Variants in TGIF2 observed in about 807,000 individuals in gnomAD.
TGIF2 encodes the protein homeobox protein TGIF2.
A neutral mutation model predicts 15.1 loss-of-function variants in TGIF2; 5 were observed. The observed-to-expected ratio is 0.33, with a 90% CI of 0.17 to 0.70. The LOEUF is 0.70. Among genes scored for constraint, TGIF2 ranks in the 30% least tolerant of loss-of-function variants. TGIF2 has a pLI of 0.67. For synonymous variants in TGIF2, 131 were observed against 128.9 expected, an observed-to-expected ratio of 1.02 and a Z score of -0.11; for missense variants, 264 against 302.5, an observed-to-expected ratio of 0.87 and a Z score of 0.94.
rs557320559 is a variant in TGIF2 at position 36,588,225 on chromosome 20, C to T, written c.193-2685C>T. Among the ~76,000 whole-genome samples the T allele has an allele frequency of 4.4e-4, 67 of 152,224 alleles. 1 individual carries two copies. Among genetic ancestry groups the T allele is most frequent in the African/African-American group, 1.6e-3 (67 of 41,528 alleles). On this transcript the variant is annotated intron_variant, in intron 2 of 2. Transcript: ENST00000373872. Reference sequence around the variant, plus strand: ...TCTCTAGTACTTTGGGGACACTGCCCTCTACCCTCCAGGCTTGTATGCAGA... The same window carrying T: ...TCTCTAGTACTTTGGGGACACTGCCTTCTACCCTCCAGGCTTGTATGCAGA...
rs979643553 is a variant in TGIF2 at position 36,592,316 on chromosome 20, G to A, written c.*885G>A. ...GAAAGATAAGATCAAAAGGTGTTTG[G>A]TTTTTCTTTTAATTTTTATTGTAGT... On this transcript the variant is annotated 3_prime_UTR_variant, in exon 3 of 3. Transcript: ENST00000373872. 6.6e-6 allele frequency: 1 copy of A among 152,136 alleles called. No individual in the cohort carries two copies. Among genetic ancestry groups the A allele is most frequent in the African/African-American group, 2.4e-5 (1 of 41,438 alleles). The allele number at this position is 152,136 out of a possible 1,614,324, so 9.4% of individuals were successfully genotyped here. A position where few individuals can be genotyped will look rare whatever the true frequency, so the allele number is the denominator to read the frequency against.
intron 2 of TGIF2, 117 bp from the exon 3 acceptor site, chr20:36,590,793 A>C (rs978574731): frequency 8.6e-7 from 1 of 1,168,234 alleles, no homozygotes; most frequent in South Asian, 2.0e-5. Flanking sequence ...TCCTGGGCTT[A>C]AGCAATCCTC....
intron 2 of TGIF2, among the ~76,000 whole-genome samples, chr20:36,582,784 A>G (rs1425802316): frequency 6.6e-6 from 1 of 152,190 alleles, no homozygotes; most frequent in Admixed American, 6.5e-5. Flanking sequence ...CTTGATGGAA[A>G]CTGACCATGA....
At chr20:36,589,990 G>C (rs2038736964) in intron 2 of TGIF2, among the ~76,000 whole-genome samples, 1 of 151,614 alleles carries the variant, frequency 6.6e-6, no homozygotes, top group South Asian at 2.1e-4. Context: ...CACCCAGCCT[G>C]ACTCTCCAGG....
intron 1 of TGIF2, among the ~76,000 whole-genome samples, chr20:36,574,353 A>T (rs1040078398): frequency 1.2e-4 from 18 of 145,092 alleles, no homozygotes; most frequent in African/African-American, 4.3e-4. Context: ...ACCCTCGGGC[A>T]GGCCGAAGGT....
chr20:36,591,254 C>T lies in TGIF2; in HGVS notation c.537C>T (p.Leu179=). ...RAEAGSPTGG[L]FNTPPPTPPE... Reference sequence around the variant, plus strand: ...AGGCTGGAAGCCCCACAGGTGGACTCTTCAACACGCCACCACCCACACCCC... The same window carrying T: ...AGGCTGGAAGCCCCACAGGTGGACTTTTCAACACGCCACCACCCACACCCC... The change falls in exon 3 of 3, where the codon CTC becomes CTT. Residue 179 remains leucine (L), a synonymous_variant. Coordinates refer to ENST00000373872, the MANE Select transcript of TGIF2 (RefSeq NM_021809.7). The surrounding 1 kb of genome is among the most constrained non-coding windows in gnomAD (Gnocchi z 5.3). 1.9e-6 allele frequency: 3 copies of T among 1,614,216 alleles called. No individual in the cohort carries two copies. Among genetic ancestry groups the T allele is most frequent in the East Asian group, 2.2e-5 (1 of 44,884 alleles).
Position 36,591,363 on chromosome 20 carries a change from A to AAGC in TGIF2, c.652_654dup (p.Gln218dup). On this transcript the variant is annotated inframe_insertion, in exon 3 of 3. Transcript: ENST00000373872. This position sits in a 1 kb window ranked among gnomAD's most constrained non-coding sequence, Gnocchi z 5.3. ...GAGGGCTGCTGAGATGGAGCTTCAG[A>AAGC]AGCAGCAGGACCCATCACTCCCATT... is the stretch of plus-strand genomic sequence containing the variant. The AAGC allele has an allele frequency of 2.5e-6, 4 of 1,614,176 alleles. No homozygotes were observed. The highest frequency in any genetic ancestry group is 3.4e-6 in the Non-Finnish European group (4 of 1,180,026).
chr20:36,578,608 A>T, intron 1 of TGIF2, 133 bp from the exon 2 acceptor site: 1 of 1,012,750 alleles, frequency 9.9e-7, no homozygotes, highest in Non-Finnish European at 1.4e-6. Flanking sequence ...GGTCTGTGTT[A>T]CGGCCTGAGA....
rs924553252 is a variant in TGIF2 at position 36,582,350 on chromosome 20, T to TA, written c.192+3394dup. Among the ~76,000 whole-genome samples, 164 of 149,048 alleles carry TA rather than the reference T, an allele frequency of 1.1e-3. 1 individual carries two copies. Among genetic ancestry groups the TA allele is most frequent in the African/African-American group, 3.3e-3 (133 of 40,704 alleles). ...TAAAACATAAAACTGGGTATATATA[T>TA]AAAAAAAAAACCACTTCTTTTTGCT... On this transcript the variant is annotated intron_variant, in intron 2 of 2. Coordinates refer to ENST00000373872, the MANE Select transcript of TGIF2 (RefSeq NM_021809.7).
At chr20:36,582,030 G>A (rs541897323) in intron 2 of TGIF2, among the ~76,000 whole-genome samples, 4 of 152,262 alleles carry the variant, frequency 2.6e-5, no homozygotes, top group African/African-American at 9.6e-5. Context: ...GAGGTCAGGA[G>A]TTCAAGACCA....
intron 1 of TGIF2, chr20:36,574,758 A>T (rs2038386914): frequency 6.6e-6 from 1 of 152,078 alleles, no homozygotes; most frequent in South Asian, 2.1e-4. Flanking sequence ...GCGCCGGACG[A>T]TTCCTCGCCG....
chr20:36,579,365 G>T (rs932018854), intron 2 of TGIF2, among the ~76,000 whole-genome samples: 1 of 152,094 alleles, frequency 6.6e-6, no homozygotes, highest in Non-Finnish European at 1.5e-5. Context: ...TAGAGACAGG[G>T]TTTCACCATG....
Position 36,582,236 on chromosome 20 carries a change from C to CA in TGIF2, c.192+3276dup, listed in dbSNP as rs1238508140. 3.3e-5 allele frequency among the ~76,000 whole-genome samples: 5 copies of CA among 151,660 alleles called. No individual in the cohort carries two copies. The East Asian group carries it at 9.7e-4, about 29-fold the overall frequency. On this transcript the variant is annotated intron_variant, in intron 2 of 2. Coordinates refer to ENST00000373872, the MANE Select transcript of TGIF2 (RefSeq NM_021809.7). ...GGGCCACAAGAGCGAAACTCGGTCT[C>CA]AAAAAATAAAAAAATAAAGAAAACA...
chr20:36,575,559 G>T (rs958991294), intron 1 of TGIF2, among the ~76,000 whole-genome samples: 2 of 152,340 alleles, frequency 1.3e-5, no homozygotes, highest in South Asian at 2.1e-4. Context: ...TGCTCTCTGA[G>T]GAGTGGCACG....
At chr20:36,586,273 T>TA (rs907879223) in intron 2 of TGIF2, among the ~76,000 whole-genome samples, 3 of 152,202 alleles carry the variant, frequency 2.0e-5, no homozygotes, top group African/African-American at 7.2e-5. Flanking sequence ...ACCAGTAGGC[T>TA]AAACCATTGG....
intron 2 of TGIF2, among the ~76,000 whole-genome samples, chr20:36,586,903 A>G (rs1421537732): frequency 2.6e-5 from 4 of 152,132 alleles, no homozygotes; most frequent in African/African-American, 7.2e-5. Flanking sequence ...AGCCTTTGTC[A>G]GCCTCCTGGT....
chr20:36,577,634 G>A (rs1413757775), intron 1 of TGIF2, among the ~76,000 whole-genome samples: 1 of 151,676 alleles, frequency 6.6e-6, no homozygotes, highest in East Asian at 1.9e-4. Context: ...TTCTGCCTCA[G>A]CCTCCCGAGT....
chr20:36,587,682 G>C (rs181761069), intron 2 of TGIF2, among the ~76,000 whole-genome samples: 27 of 152,280 alleles, frequency 1.8e-4, no homozygotes, highest in Non-Finnish European at 3.4e-4. Context: ...ACAAGTTTCT[G>C]AACCTCTCCG....
intron 2 of TGIF2, among the ~76,000 whole-genome samples, chr20:36,583,928 G>A (rs934992797): frequency 3.9e-5 from 6 of 152,066 alleles, no homozygotes; most frequent in Non-Finnish European, 7.4e-5. Context: ...CTAGCTGGGC[G>A]TGGTTGCAGG....
Sources: allele counts gnomAD v4.1 joint callset (sites outside exome capture counted in the v4.1 genomes callset), GRCh38; gene constraint gnomAD v4.1.1; non-coding constraint Gnocchi (gnomAD v3.1); transcripts MANE v1.5; gene names NCBI Gene and HGNC (gene_info 2026-07-23, HGNC 2026-07-21).